Variants in WDR27 observed in about 807,000 individuals in gnomAD.
WDR27 encodes the protein WD repeat domain 27.
A neutral mutation model predicts 114.4 loss-of-function variants in WDR27; 100 were observed. The observed-to-expected ratio is 0.87, with a 90% CI of 0.74 to 1.03. The LOEUF (loss-of-function observed/expected upper bound fraction) is 1.03. WDR27 is among the 50% of genes least tolerant of loss of function. The pLI, the probability that WDR27 is intolerant of heterozygous loss-of-function variation, is 0.00. For synonymous variants in WDR27, 449 were observed against 423.1 expected (o/e 1.06, Z -0.75); for missense variants, 1,129 against 1,092.9 (o/e 1.03, Z -0.47).
At chr6:169,433,498 C>A in the WDR27 span, among the ~76,000 whole-genome samples, 3 of 152,182 alleles carry the variant, frequency 2.0e-5, no homozygotes, top group Admixed American at 2.0e-4. Context: ...CATTGATGGG[C>A]ATTTGGGTTA....
intron 25 of WDR27, among the ~76,000 whole-genome samples, chr6:169,506,639 C>T (rs1792032713): frequency 6.6e-6 from 1 of 152,188 alleles, no homozygotes. Flanking sequence ...ATGGTCATTA[C>T]AGATTAGCTG....
At chr6:169,674,285 A>G (rs1322020730) in intron 2 of WDR27, among the ~76,000 whole-genome samples, 1 of 152,242 alleles carries the variant, frequency 6.6e-6, no homozygotes, top group Non-Finnish European at 1.5e-5. Context: ...AAACCAAACT[A>G]AAACTGATCC....
chr6:169,564,886 G>A (rs1432522391), intron 25 of WDR27, among the ~76,000 whole-genome samples: 4 of 152,070 alleles, frequency 2.6e-5, no homozygotes, highest in South Asian at 2.1e-4. Flanking sequence ...GAACGCCCGC[G>A]TCCTCATGCC....
At chr6:169,503,053 T>C (rs531138605) in intron 25 of WDR27, among the ~76,000 whole-genome samples, 3 of 152,138 alleles carry the variant, frequency 2.0e-5, no homozygotes, top group Admixed American at 6.6e-5. Context: ...GCGGAGTACA[T>C]GGACCACAAG....
At chr6:169,539,721 G>A (rs1472970895) in intron 25 of WDR27, among the ~76,000 whole-genome samples, 5 of 152,130 alleles carry the variant, frequency 3.3e-5, no homozygotes, top group African/African-American at 1.2e-4. Flanking sequence ...CCACAGGTGG[G>A]GGTGAAGGAA....
At chr6:169,591,072 G>C (rs571494108) in intron 23 of WDR27, among the ~76,000 whole-genome samples, 1 of 152,304 alleles carries the variant, frequency 6.6e-6, no homozygotes, top group Admixed American at 6.5e-5. Flanking sequence ...ATTTTCCGCA[G>C]TGGCTACCTC....
At chr6:169,484,531 C>T (rs983333050) in intron 25 of WDR27, among the ~76,000 whole-genome samples, 2 of 152,018 alleles carry the variant, frequency 1.3e-5, no homozygotes, top group Admixed American at 6.5e-5. Flanking sequence ...AGGAAACAAA[C>T]GAATGAAAAA....
At chr6:169,576,667 T>C (rs529596723) in intron 24 of WDR27, among the ~76,000 whole-genome samples, 200 of 151,524 alleles carry the variant, frequency 1.3e-3, no homozygotes, top group Non-Finnish European at 1.1e-3. Context: ...CTTAGGAGGT[T>C]GAGGCAGGAG....
At chr6:169,443,376 C>T in the WDR27 span, among the ~76,000 whole-genome samples, 614 of 152,332 alleles carry the variant, frequency 4.0e-3, 4 homozygotes, top group African/African-American at 0.014. Flanking sequence ...TGGTTCCATT[C>T]GCTTTGATAG....
chr6:169,670,539 C>T (rs773379717), intron 4 of WDR27, 30 bp downstream of exon 4: 11 of 1,613,814 alleles, frequency 6.8e-6, no homozygotes, highest in Non-Finnish European at 9.3e-6. Context: ...CTAAACCCTT[C>T]CGTGAAATCC....
At chr6:169,641,223 A>T (rs1299162211) in intron 17 of WDR27, among the ~76,000 whole-genome samples, 1 of 152,158 alleles carries the variant, frequency 6.6e-6, no homozygotes, top group African/African-American at 2.4e-5. Context: ...CAAAGGTGGG[A>T]TCCCCCTCCT....
chr6:169,452,390 C>A (rs546753999), downstream of WDR27, among the ~76,000 whole-genome samples: 2 of 152,238 alleles, frequency 1.3e-5, no homozygotes, highest in African/African-American at 2.4e-5. Flanking sequence ...TACTGACACG[C>A]GGTCCTTTGT....
At chr6:169,652,674 G>GA (rs1822925457) in intron 13 of WDR27, among the ~76,000 whole-genome samples, 2 of 152,228 alleles carry the variant, frequency 1.3e-5, no homozygotes, top group Admixed American at 1.3e-4. Flanking sequence ...TACTGTAAAT[G>GA]AAACATATCC....
intron 25 of WDR27, among the ~76,000 whole-genome samples, chr6:169,483,152 A>T (rs568345482): frequency 6.6e-6 from 1 of 152,352 alleles, no homozygotes; most frequent in African/African-American, 2.4e-5. Flanking sequence ...AACCAACCCT[A>T]AAGCTAGCAG....
intron 25 of WDR27, among the ~76,000 whole-genome samples, chr6:169,483,001 C>T (rs913781526): frequency 6.6e-6 from 1 of 152,080 alleles, no homozygotes; most frequent in Non-Finnish European, 1.5e-5. Flanking sequence ...AACAAAGATA[C>T]AACATACCAG....
At chr6:169,573,488 A>C (rs1801779003) in intron 24 of WDR27, among the ~76,000 whole-genome samples, 1 of 152,194 alleles carries the variant, frequency 6.6e-6, no homozygotes, top group East Asian at 1.9e-4. Context: ...TGTGAAACCC[A>C]GGCAAATGGA....
At chr6:169,551,504 G>T (rs776916011) in intron 25 of WDR27, among the ~76,000 whole-genome samples, 2 of 152,078 alleles carry the variant, frequency 1.3e-5, no homozygotes, top group Non-Finnish European at 2.9e-5. Flanking sequence ...GGAGGCCAAG[G>T]TGGATGGATT....
chr6:169,459,797 C>CT, intron 25 of WDR27, among the ~76,000 whole-genome samples: 1 of 152,048 alleles, frequency 6.6e-6, no homozygotes, highest in Non-Finnish European at 1.5e-5. Context: ...TTTCCCTGGG[C>CT]TAAAATAAAA....
chr6:169,502,032 G>A (rs935558166), intron 25 of WDR27, among the ~76,000 whole-genome samples: 2 of 152,194 alleles, frequency 1.3e-5, no homozygotes, highest in African/African-American at 4.8e-5. Context: ...CATGCCTGGG[G>A]CATCCAATGC....
Sources: allele counts gnomAD v4.1 joint callset (sites outside exome capture counted in the v4.1 genomes callset), GRCh38; gene constraint gnomAD v4.1.1; transcripts MANE v1.5; gene names NCBI Gene and HGNC (gene_info 2026-07-23, HGNC 2026-07-21).